MEI4: variants seen among roughly 807,000 people sequenced by gnomAD.
MEI4 encodes the protein meiotic double-stranded break formation protein 4, also known as meiosis-specific protein MEI4.
A neutral mutation model predicts 31.4 loss-of-function variants in MEI4; 27 were observed. The observed-to-expected ratio is 0.86, with a 90% CI of 0.63 to 1.19. The LOEUF (loss-of-function observed/expected upper bound fraction) is 1.19. Ranked by LOEUF, MEI4 falls within the 50% of genes most tolerant of loss-of-function variation. MEI4 has a pLI of 0.00. For synonymous variants in MEI4, 122 were observed against 145.4 expected (o/e 0.84, Z 1.16); for missense variants, 329 against 398.9 (o/e 0.82, Z 1.49).
chr6:77,737,920 C>T (rs1179632768), intron 2 of MEI4, among the ~76,000 whole-genome samples: 1 of 152,132 alleles, frequency 6.6e-6, no homozygotes, highest in African/African-American at 2.4e-5. Context: ...GAGGTTTCAG[C>T]TTCTGAAGTC....
At chr6:77,667,403 G>T (rs867609786) in intron 1 of MEI4, among the ~76,000 whole-genome samples, 27 of 151,884 alleles carry the variant, frequency 1.8e-4, no homozygotes, top group African/African-American at 6.5e-4. Context: ...AATTTATCCT[G>T]TCTTCCCCTA....
chr6:77,909,133 C>G (rs188165679), intron 4 of MEI4, among the ~76,000 whole-genome samples: 47 of 152,168 alleles, frequency 3.1e-4, no homozygotes, highest in African/African-American at 1.1e-3. Flanking sequence ...TGTAAAAGAA[C>G]AGAAATTATA....
intron 4 of MEI4, among the ~76,000 whole-genome samples, chr6:77,851,841 G>A (rs750036982): frequency 6.6e-6 from 1 of 151,980 alleles, no homozygotes; most frequent in South Asian, 2.1e-4. Flanking sequence ...CTAAAAGAGT[G>A]AACTTTTACT....
intron 4 of MEI4, among the ~76,000 whole-genome samples, chr6:77,885,569 T>A (rs1771598603): frequency 6.6e-6 from 1 of 152,106 alleles, no homozygotes; most frequent in South Asian, 2.1e-4. Context: ...AGTTTCTTGG[T>A]GGAGTTGTTA....
intron 4 of MEI4, among the ~76,000 whole-genome samples, chr6:77,905,039 A>G (rs1032432630): frequency 1.3e-5 from 2 of 151,960 alleles, no homozygotes; most frequent in Admixed American, 6.6e-5. Flanking sequence ...TCATTTTCTT[A>G]CCTTAAATAA....
chr6:77,755,549 G>T (rs935369659), intron 2 of MEI4, among the ~76,000 whole-genome samples: 1 of 151,952 alleles, frequency 6.6e-6, no homozygotes, highest in Non-Finnish European at 1.5e-5. Context: ...CTCCCGAGTA[G>T]CTGAGATTAC....
chr6:77,865,396 T>C (rs1770996650), intron 4 of MEI4, among the ~76,000 whole-genome samples: 1 of 152,122 alleles, frequency 6.6e-6, no homozygotes, highest in South Asian at 2.1e-4. Flanking sequence ...ATAAAGGTGA[T>C]ATCACCGGCA....
intron 1 of MEI4, among the ~76,000 whole-genome samples, chr6:77,656,356 CAG>C (rs1049498707): frequency 5.9e-5 from 9 of 152,098 alleles, no homozygotes; most frequent in South Asian, 2.1e-4. Flanking sequence ...AAAAACAAAA[CAG>C]GGCATATTTT....
chr6:77,865,932 A>T (rs1397575165), intron 4 of MEI4, among the ~76,000 whole-genome samples: 2 of 152,194 alleles, frequency 1.3e-5, no homozygotes, highest in East Asian at 3.8e-4. Context: ...AACATATGCA[A>T]AGCAATAAAC....
At chr6:77,743,997 G>A (rs1158981105) in intron 2 of MEI4, among the ~76,000 whole-genome samples, 1 of 152,126 alleles carries the variant, frequency 6.6e-6, no homozygotes, top group Non-Finnish European at 1.5e-5. Flanking sequence ...ACCAAAAGTA[G>A]ATAAAACCAC....
chr6:77,901,987 G>A (rs1766196617), intron 4 of MEI4, among the ~76,000 whole-genome samples: 1 of 151,852 alleles, frequency 6.6e-6, no homozygotes. Flanking sequence ...GTATATTTTT[G>A]TTCTTTTTTG....
chr6:77,858,941 C>T (rs777127060), intron 4 of MEI4, among the ~76,000 whole-genome samples: 5 of 150,564 alleles, frequency 3.3e-5, no homozygotes, highest in Admixed American at 6.6e-5. Flanking sequence ...ATGTGTAAAA[C>T]GTGCAGGTTT....
At chr6:77,888,651 T>C (rs562859420) in intron 4 of MEI4, among the ~76,000 whole-genome samples, 1 of 152,154 alleles carries the variant, frequency 6.6e-6, no homozygotes, top group Non-Finnish European at 1.5e-5. Context: ...GCTTTGAATA[T>C]ATTATCCCAT....
At chr6:77,905,068 A>C (rs990555634) in intron 4 of MEI4, among the ~76,000 whole-genome samples, 9 of 152,056 alleles carry the variant, frequency 5.9e-5, no homozygotes, top group Admixed American at 3.3e-4. Flanking sequence ...CACAATTTTT[A>C]AGACAGTTCT....
intron 2 of MEI4, among the ~76,000 whole-genome samples, chr6:77,735,459 T>C (rs1456009677): frequency 2.0e-5 from 3 of 152,072 alleles, no homozygotes; most frequent in Non-Finnish European, 4.4e-5. Context: ...TTCACGTAGT[T>C]CTCGAGCCTT....
rs183023097 is a variant in MEI4, at chr6:77,730,830, C to A, written c.233-30300C>A. Reference sequence around the variant, plus strand: ...GTGTGATGTTCCCCTTCCTGTGTCCCTGTGTTCTCATTGTTCAATTCCCGC... The same window carrying A: ...GTGTGATGTTCCCCTTCCTGTGTCCATGTGTTCTCATTGTTCAATTCCCGC... On this transcript the variant is annotated intron_variant, in intron 2 of 4. Transcript: ENST00000684080. 3.4e-3 allele frequency among the ~76,000 whole-genome samples: 504 copies of A among 146,220 alleles called. 5 individuals are homozygous for A. Among genetic ancestry groups the A allele is most frequent in the African/African-American group, 0.012 (487 of 39,042 alleles).
chr6:77,663,270 C>T (rs1768547939), intron 1 of MEI4, among the ~76,000 whole-genome samples: 1 of 152,100 alleles, frequency 6.6e-6, no homozygotes, highest in South Asian at 2.1e-4. Context: ...AGGCTTTAGT[C>T]TTTTTAAAGC....
intron 3 of MEI4, among the ~76,000 whole-genome samples, chr6:77,796,890 A>T (rs935537209): frequency 1.3e-5 from 2 of 152,214 alleles, no homozygotes; most frequent in African/African-American, 4.8e-5. Flanking sequence ...AGCAATCTTG[A>T]GAATGAAGAT....
Position 77,741,835 on chromosome 6 carries a change from G to A in MEI4, c.233-19295G>A, listed in dbSNP as rs969873942. On this transcript the variant is annotated intron_variant, in intron 2 of 4. Transcript: ENST00000684080. ...CTTCCTGTGTCCATGTGTTCTCATT[G>A]TTCAATTCCCACCTATGAGTGAGAA... Among the ~76,000 whole-genome samples the A allele has an allele frequency of 3.0e-4, 40 of 134,012 alleles. No individual in the cohort carries two copies. The Middle Eastern group carries it at 0.026, about 86-fold the overall frequency. The allele number at this position is 134,012 out of a possible 152,430, so 87.9% of individuals were successfully genotyped here. A position where few individuals can be genotyped will look rare whatever the true frequency, so the allele number is the denominator to read the frequency against.
Sources: allele counts gnomAD v4.1 joint callset (sites outside exome capture counted in the v4.1 genomes callset), GRCh38; gene constraint gnomAD v4.1.1; transcripts MANE v1.5; gene names NCBI Gene and HGNC (gene_info 2026-07-23, HGNC 2026-07-21).